DCC: variants seen among roughly 807,000 people sequenced by gnomAD.
The protein encoded by DCC is netrin receptor DCC.
A neutral mutation model predicts 172.5 loss-of-function variants in DCC; 58 were observed. The ratio of observed to expected loss-of-function variants is 0.34; its 90% CI spans 0.27 to 0.42. The LOEUF (loss-of-function observed/expected upper bound fraction) is 0.42, where lower values mean the gene tolerates loss of function less well. Among genes scored for constraint, DCC ranks in the 10% least tolerant of loss-of-function variants. The probability of loss-of-function intolerance (pLI) is 1.00; values close to 1 mark genes in which losing one functional copy is unlikely to be tolerated. For missense variants in DCC, 1,740 were observed against 1,791.0 expected (o/e 0.97, Z 0.51); for synonymous variants, 709 against 644.5 (o/e 1.10, Z -1.52).
At chr18:52,807,585 A>G (rs972554619) in intron 2 of DCC, among the ~76,000 whole-genome samples, 2 of 152,242 alleles carry the variant, frequency 1.3e-5, no homozygotes, top group Non-Finnish European at 2.9e-5. Context: ...TAATGGAAGA[A>G]GAAACATTAT....
At chr18:53,123,289 G>A (rs1035453510) in intron 7 of DCC, among the ~76,000 whole-genome samples, 12 of 152,038 alleles carry the variant, frequency 7.9e-5, no homozygotes, top group African/African-American at 2.7e-4. Flanking sequence ...GCGAAGTTGG[G>A]GGATGGTGGA....
intron 7 of DCC, among the ~76,000 whole-genome samples, chr18:53,110,270 T>C (rs2043310773): frequency 6.6e-6 from 1 of 151,734 alleles, no homozygotes; most frequent in Non-Finnish European, 1.5e-5. Flanking sequence ...ATATCATCAA[T>C]AGTTAAATGT....
chr18:53,246,007 T>C (rs2056360541), intron 12 of DCC, among the ~76,000 whole-genome samples: 1 of 152,034 alleles, frequency 6.6e-6, no homozygotes, highest in Non-Finnish European at 1.5e-5. Context: ...CTTTCTCAGG[T>C]TCCTACCTAA....
At chr18:53,083,909 G>T (rs1050332066) in intron 7 of DCC, among the ~76,000 whole-genome samples, 1 of 152,184 alleles carries the variant, frequency 6.6e-6, no homozygotes, top group Non-Finnish European at 1.5e-5. Flanking sequence ...GATTTTTACT[G>T]TATCAACTTA....
At position 52,954,192 on chromosome 18, in the gene DCC, C is replaced by G. The variant is rs141159128; in HGVS notation, c.985+28822C>G. ...CCAACCTTAGGCTTGCAATAAAAAT[C>G]TTCACAACCCAAATACCATGAGAAT... On this transcript the variant is annotated intron_variant, in intron 5 of 28. Coordinates refer to ENST00000442544, the MANE Select transcript of DCC (RefSeq NM_005215.4). Among the ~76,000 whole-genome samples, 254 of 152,226 alleles carry G rather than the reference C, an allele frequency of 1.7e-3. 1 individual carries two copies. Among genetic ancestry groups the G allele is most frequent in the African/African-American group, 5.8e-3 (242 of 41,548 alleles).
intron 12 of DCC, among the ~76,000 whole-genome samples, chr18:53,273,675 C>A (rs1472166220): frequency 1.3e-5 from 2 of 151,498 alleles, no homozygotes; most frequent in Non-Finnish European, 2.9e-5. Context: ...TGTTCTTCTA[C>A]ACATGACATC....
At chr18:52,771,305 GTAAT>G (rs1295963373) in intron 2 of DCC, among the ~76,000 whole-genome samples, 9 of 152,314 alleles carry the variant, frequency 5.9e-5, no homozygotes, top group African/African-American at 2.2e-4. Context: ...AATGAGTAAT[GTAAT>G]TATTTTTCAG....
In DCC at chr18:52,340,656, AGAGGACGAGGAG is replaced by A; in HGVS notation, c.-126_-115del. On this transcript the variant is annotated 5_prime_UTR_variant, in exon 1 of 29. Coordinates refer to ENST00000442544, the MANE Select transcript of DCC (RefSeq NM_005215.4). ...GGGAGGTGGAGAAAGAGGTGGAGGA[AGAGGACGAGGAG>A]GAGGAGGAAGCCGAAGGGGCTCGGC... 1.3e-6 allele frequency: 1 copy of A among 774,776 alleles called. No homozygotes were observed. Among genetic ancestry groups the A allele is most frequent in the Non-Finnish European group, 2.4e-6 (1 of 421,654 alleles). The allele number at this position is 774,776 out of a possible 1,614,324, so 48.0% of individuals were successfully genotyped here. A position where few individuals can be genotyped will look rare whatever the true frequency, so the allele number is the denominator to read the frequency against.
intron 2 of DCC, among the ~76,000 whole-genome samples, chr18:52,785,231 A>C (rs568067619): frequency 6.6e-6 from 1 of 152,154 alleles, no homozygotes; most frequent in Admixed American, 6.5e-5. Context: ...AGAAGGGAAG[A>C]TGGAGCTGCT....
chr18:52,831,616 C>T (rs753274550), intron 2 of DCC, among the ~76,000 whole-genome samples: 3 of 151,622 alleles, frequency 2.0e-5, no homozygotes, highest in African/African-American at 7.3e-5. Flanking sequence ...ACTATTATGA[C>T]AAGATTTTGG....
chr18:53,412,133 C>A (rs1417022964), intron 20 of DCC, among the ~76,000 whole-genome samples: 1 of 152,030 alleles, frequency 6.6e-6, no homozygotes, highest in Admixed American at 6.6e-5. Flanking sequence ...GTACTGTTTA[C>A]CCTAAGTGCC....
At chr18:53,103,559 T>A (rs1489730566) in intron 7 of DCC, among the ~76,000 whole-genome samples, 1 of 151,980 alleles carries the variant, frequency 6.6e-6, no homozygotes, top group Non-Finnish European at 1.5e-5. Flanking sequence ...CATCCATGAT[T>A]AAAATAATGT....
intron 21 of DCC, among the ~76,000 whole-genome samples, chr18:53,420,793 A>G (rs1462482101): frequency 1.3e-5 from 2 of 152,142 alleles, no homozygotes; most frequent in Non-Finnish European, 2.9e-5. Flanking sequence ...TGGGGAAGCA[A>G]TTCAGTCCAT....
chr18:52,788,025 A>G (rs1442235691), intron 2 of DCC, among the ~76,000 whole-genome samples: 2 of 152,192 alleles, frequency 1.3e-5, no homozygotes, highest in Non-Finnish European at 2.9e-5. Context: ...TTAGTGTCTT[A>G]AGACAGTCTT....
intron 3 of DCC, among the ~76,000 whole-genome samples, chr18:52,911,126 A>G (rs2039965420): frequency 6.6e-6 from 1 of 152,124 alleles, no homozygotes; most frequent in African/African-American, 2.4e-5. Context: ...TAGTTACATT[A>G]TAGAAAATAG....
At chr18:52,684,179 C>T (rs80071349) in intron 1 of DCC, among the ~76,000 whole-genome samples, 4,593 of 152,116 alleles carry the variant, frequency 0.03, 246 homozygotes, top group African/African-American at 0.1. Flanking sequence ...GGTTTATTCA[C>T]TTTGTGGTGA....
At chr18:53,334,966 C>T (rs180994465) in intron 14 of DCC, among the ~76,000 whole-genome samples, 21 of 152,272 alleles carry the variant, frequency 1.4e-4, no homozygotes, top group African/African-American at 4.6e-4. Flanking sequence ...TGAGGAATTG[C>T]AGGATCATAT....
chr18:52,536,383 G>A (rs1237526732), intron 1 of DCC, among the ~76,000 whole-genome samples: 1 of 151,326 alleles, frequency 6.6e-6, no homozygotes. Flanking sequence ...CATTTTGCTC[G>A]GTGCAACTTT....
chr18:52,718,707 T>C (rs2036427561), intron 1 of DCC, among the ~76,000 whole-genome samples: 2 of 152,200 alleles, frequency 1.3e-5, no homozygotes, highest in African/African-American at 4.8e-5. Flanking sequence ...AACAAAATTA[T>C]CTACAATGTC....
Sources: gnomAD v4.1 joint callset for allele counts (sites outside exome capture counted in the v4.1 genomes callset) on GRCh38, gnomAD v4.1.1 for gene constraint, MANE v1.5 for transcripts, NCBI Gene and HGNC (gene_info 2026-07-23, HGNC 2026-07-21) for gene names.